ADGRL3: variants seen among roughly 807,000 people sequenced by gnomAD.
ADGRL3 encodes calcium-independent alpha-latrotoxin receptor 3.
Under a neutral mutation model 153.5 loss-of-function variants are expected in ADGRL3, and 62 were observed. The ratio of observed to expected loss-of-function variants is 0.40; its 90% CI spans 0.33 to 0.50. The LOEUF (loss-of-function observed/expected upper bound fraction) is 0.50, where lower values mean the gene tolerates loss of function less well. Ranked by LOEUF, ADGRL3 falls within the 20% of genes least tolerant of loss-of-function variation. The probability of loss-of-function intolerance (pLI) is 0.47; values close to 1 mark genes in which losing one functional copy is unlikely to be tolerated. For missense variants in ADGRL3, 1,641 were observed against 1,859.4 expected, an observed-to-expected ratio of 0.88 and a Z score of 2.16; for synonymous variants, 710 against 672.5, an observed-to-expected ratio of 1.06 and a Z score of -0.86.
intron 21 of ADGRL3, among the ~76,000 whole-genome samples, chr4:62,007,051 C>T (rs2151182759): frequency 6.6e-6 from 1 of 152,084 alleles, no homozygotes; most frequent in Non-Finnish European, 1.5e-5. Flanking sequence ...TTCACTGTAT[C>T]ATCTTGTGGT....
At chr4:61,285,318 T>C (rs2093892089) in intron 1 of ADGRL3, among the ~76,000 whole-genome samples, 2 of 151,840 alleles carry the variant, frequency 1.3e-5, no homozygotes, top group South Asian at 4.1e-4. Flanking sequence ...ATATATGGTT[T>C]TAGTTTTCAT....
chr4:61,515,753 T>C (rs1205677847), intron 3 of ADGRL3, among the ~76,000 whole-genome samples: 2 of 152,184 alleles, frequency 1.3e-5, no homozygotes, highest in African/African-American at 2.4e-5. Flanking sequence ...AACAAAGATA[T>C]TAGAGAAAAC....
chr4:61,273,456 A>T (rs746139771), intron 1 of ADGRL3, among the ~76,000 whole-genome samples: 3 of 152,230 alleles, frequency 2.0e-5, no homozygotes, highest in Non-Finnish European at 4.4e-5. Context: ...CCATTTCTGC[A>T]GAGTTGCACA....
chr4:61,983,579 A>G lies in ADGRL3; in HGVS notation c.3212A>G (p.Tyr1071Cys). The change falls in exon 19 of 27, where the codon TAC (tyrosine) becomes TGC (cysteine). Residue 1071 changes from tyrosine (Y) to cysteine (C), a missense_variant. Around this residue, in one of 5 missense-constraint regions of ADGRL3, gnomAD observed 32 missense variants for 66.2 expected, o/e 0.48. Transcript: ENST00000683033. ...GTGGCTGTGTCAGCTGCAGTAGACT[A>G]CAGGAGTTATGGAACAGATAAAGTG... ...LIVAVSAAVD[Y>C]RSYGTDKVCW... 1 of 1,613,840 alleles carries G rather than the reference A, an allele frequency of 6.2e-7. No homozygotes were observed. The highest frequency in any genetic ancestry group is 8.5e-7 in the Non-Finnish European group (1 of 1,179,766).
At chr4:61,332,089 T>C (rs1245151996) in intron 1 of ADGRL3, among the ~76,000 whole-genome samples, 1 of 152,128 alleles carries the variant, frequency 6.6e-6, no homozygotes, top group Non-Finnish European at 1.5e-5. Context: ...ATGTAACTTG[T>C]AAGGAAACTA....
intron 25 of ADGRL3, among the ~76,000 whole-genome samples, chr4:62,057,598 A>G (rs968102598): frequency 6.6e-6 from 1 of 152,172 alleles, no homozygotes; most frequent in Non-Finnish European, 1.5e-5. Context: ...TTTGTATCTC[A>G]CTTTCATCAG....
chr4:61,994,441 T>C (rs1162208555), intron 19 of ADGRL3, among the ~76,000 whole-genome samples: 1 of 152,058 alleles, frequency 6.6e-6, no homozygotes, highest in African/African-American at 2.4e-5. Flanking sequence ...GGTGAGCCGC[T>C]GTGGCTAGCC....
At chr4:61,211,411 T>A (rs1476450478) in intron 1 of ADGRL3, among the ~76,000 whole-genome samples, 1 of 152,196 alleles carries the variant, frequency 6.6e-6, no homozygotes, top group Non-Finnish European at 1.5e-5. Flanking sequence ...TCTACTGTCA[T>A]CAGCTTCGTG....
At chr4:61,559,803 C>A (rs981555797) in intron 4 of ADGRL3, among the ~76,000 whole-genome samples, 1 of 149,674 alleles carries the variant, frequency 6.7e-6, no homozygotes. Flanking sequence ...GGTACTTAGG[C>A]AAAACCATAA....
intron 11 of ADGRL3, among the ~76,000 whole-genome samples, chr4:61,908,905 A>G (rs2098709155): frequency 6.6e-6 from 1 of 152,088 alleles, no homozygotes; most frequent in Non-Finnish European, 1.5e-5. Flanking sequence ...TTAGGTCTTT[A>G]TCTGTTTTAA....
In ADGRL3 at chr4:61,548,208, G is replaced by GT. The variant is rs536988703; in HGVS notation, c.259+30696dup. 4.1e-4 allele frequency among the ~76,000 whole-genome samples: 62 copies of GT among 151,956 alleles called. 1 individual carries two copies. The highest frequency in any genetic ancestry group is 1.5e-3 in the African/African-American group (61 of 41,522). The stretch of plus-strand genomic sequence containing the variant: ...CCTTTGTCAGATGCATAGTTTGCAT[G>GT]TTTTTTCTCCATTTGTAGGTTGTTG... On this transcript the variant is annotated intron_variant, in intron 4 of 26. Coordinates refer to ENST00000683033, the MANE Select transcript of ADGRL3 (RefSeq NM_001387552.1).
At chr4:61,888,686 G>C (rs1006088342) in intron 9 of ADGRL3, among the ~76,000 whole-genome samples, 1 of 152,160 alleles carries the variant, frequency 6.6e-6, no homozygotes, top group African/African-American at 2.4e-5. Context: ...CCTGCTTGTA[G>C]ACATCTCTCT....
At chr4:61,393,782 TGAA>T (rs1348866338) in intron 2 of ADGRL3, among the ~76,000 whole-genome samples, 5 of 152,164 alleles carry the variant, frequency 3.3e-5, no homozygotes, top group African/African-American at 1.2e-4. Context: ...TGAAGAGGAA[TGAA>T]GAATAAAATA....
intron 5 of ADGRL3, among the ~76,000 whole-genome samples, chr4:61,657,299 A>C (rs958781171): frequency 1.3e-5 from 2 of 152,062 alleles, no homozygotes; most frequent in African/African-American, 4.8e-5. Context: ...TTCATGCCTA[A>C]AGGGACTGTC....
At chr4:61,852,810 TTTTATTTATTTATTTATTTA>T (rs145148534) in intron 9 of ADGRL3, among the ~76,000 whole-genome samples, 2 of 149,546 alleles carry the variant, frequency 1.3e-5, no homozygotes, top group Non-Finnish European at 3.0e-5. Flanking sequence ...ACTCATCATC[TTTTATTTATTTATTTATTTA>T]TTTATTTATT....
intron 17 of ADGRL3, among the ~76,000 whole-genome samples, chr4:61,960,049 G>T (rs531045736): frequency 5.3e-4 from 81 of 152,258 alleles, no homozygotes; most frequent in African/African-American, 1.9e-3. Context: ...TTCTTGAAAA[G>T]AAACTGGTTT....
chr4:61,890,791 G>T (rs1347767554), intron 9 of ADGRL3, among the ~76,000 whole-genome samples: 3 of 152,156 alleles, frequency 2.0e-5, no homozygotes, highest in African/African-American at 7.2e-5. Flanking sequence ...TTTTTTGTCA[G>T]CTGGAAAAAT....
intron 9 of ADGRL3, among the ~76,000 whole-genome samples, chr4:61,842,873 GA>G (rs1252870230): frequency 6.6e-6 from 1 of 152,172 alleles, no homozygotes; most frequent in African/African-American, 2.4e-5. Flanking sequence ...CTACACTGAA[GA>G]TGATAGTGTC....
chr4:61,730,679 A>C (rs1299803087), intron 7 of ADGRL3, 43 bp downstream of exon 7: 4 of 462,478 alleles, frequency 8.6e-6, no homozygotes, highest in Admixed American at 4.4e-5. Flanking sequence ...TTTATAGGCT[A>C]AGTTATTTAA....
Sources: allele counts gnomAD v4.1 joint callset (sites outside exome capture counted in the v4.1 genomes callset), GRCh38; gene constraint gnomAD v4.1.1; regional missense constraint gnomAD v4.1.1; transcripts MANE v1.5; gene names NCBI Gene and HGNC (gene_info 2026-07-23, HGNC 2026-07-21).